The following TENM3 variants were observed in gnomAD, a reference collection of about 807,000 sequenced individuals.
TENM3 encodes teneurin transmembrane protein 3, also known as teneurin-3.
Under a neutral mutation model 255.1 loss-of-function variants are expected in TENM3, and 63 were observed. That is an observed-to-expected ratio of 0.25 (90% CI 0.20 to 0.30). TENM3 has a LOEUF of 0.30. TENM3 is among the 10% of genes least tolerant of loss of function. The probability of loss-of-function intolerance (pLI) is 1.00; values close to 1 mark genes in which losing one functional copy is unlikely to be tolerated. For missense variants in TENM3, 2,929 were observed against 3,461.1 expected, an observed-to-expected ratio of 0.85 and a Z score of 3.86; for synonymous variants, 1,306 against 1,322.3, an observed-to-expected ratio of 0.99 and a Z score of 0.27.
chr4:181,448,004 A>G, the TENM3 span, among the ~76,000 whole-genome samples: 1 of 152,056 alleles, frequency 6.6e-6, no homozygotes, highest in South Asian at 2.1e-4. Context: ...GCAATGCTAC[A>G]AATGGAAACT....
chr4:181,456,095 A>G, the TENM3 span, among the ~76,000 whole-genome samples: 4,544 of 135,386 alleles, frequency 0.034, 339 homozygotes, highest in East Asian at 0.24. Flanking sequence ...TGGTAAATAT[A>G]TGTGTGTGTG....
rs757524087 is a variant in TENM3 at position 182,681,765 on chromosome 4, A to G, written c.1835-49A>G. The G allele has an allele frequency of 1.3e-5, 17 of 1,347,330 alleles. No homozygotes were observed. The East Asian group carries it at 3.6e-4, about 29-fold the overall frequency. 83.5% of individuals were successfully genotyped at this position (1,347,330 alleles called of 1,614,324 possible). On this transcript the variant is annotated intron_variant, in intron 10 of 27. Coordinates refer to ENST00000511685, the MANE Select transcript of TENM3 (RefSeq NM_001080477.4). ...GGATTTAATTCTTTTTTCTGCATGC[A>G]CTATGATATCTTCTGGATTTAATAA... is the stretch of plus-strand genomic sequence containing the variant.
intron 3 of TENM3, among the ~76,000 whole-genome samples, chr4:182,402,458 G>C (rs368560066): frequency 6.6e-6 from 1 of 152,080 alleles, no homozygotes; most frequent in Admixed American, 6.5e-5. Context: ...TCCCACTGAC[G>C]TTTGTACAGT....
Position 182,764,976 on chromosome 4 carries a change from A to C in TENM3, c.4893-8496A>C, listed in dbSNP as rs141833766. ...ACTTGCTGTCTGAATGTAAGAGGTAAGGGCAAAAGAGGATCAAGGATGAGT... is the reference window on the plus strand; with the variant it reads ...ACTTGCTGTCTGAATGTAAGAGGTACGGGCAAAAGAGGATCAAGGATGAGT... On this transcript the variant is annotated intron_variant, in intron 22 of 27. Coordinates refer to ENST00000511685, the MANE Select transcript of TENM3 (RefSeq NM_001080477.4). Among the ~76,000 whole-genome samples the C allele has an allele frequency of 1.3e-3, 199 of 152,338 alleles. 1 individual carries two copies. The highest frequency in any genetic ancestry group is 4.6e-3 in the African/African-American group (191 of 41,570).
At chr4:182,098,249 T>C in the TENM3 span, among the ~76,000 whole-genome samples, 3 of 152,120 alleles carry the variant, frequency 2.0e-5, no homozygotes, top group Admixed American at 2.0e-4. Context: ...TGTAAATTAA[T>C]ACAGCCAGTA....
chr4:182,345,549 T>G (rs1428185118), intron 2 of TENM3, among the ~76,000 whole-genome samples: 3 of 152,192 alleles, frequency 2.0e-5, no homozygotes, highest in Non-Finnish European at 4.4e-5. Flanking sequence ...ATTTTGATTC[T>G]GATTGGCACC....
chr4:182,241,877 C>T (rs1233133148), upstream of TENM3, among the ~76,000 whole-genome samples: 1 of 152,038 alleles, frequency 6.6e-6, no homozygotes, highest in Non-Finnish European at 1.5e-5. Context: ...AAACGCTTCT[C>T]CACTGAAATG....
At chr4:181,922,120 G>A in the TENM3 span, among the ~76,000 whole-genome samples, 1 of 152,124 alleles carries the variant, frequency 6.6e-6, no homozygotes, top group African/African-American at 2.4e-5. Context: ...TTGATGTGCT[G>A]CTGGATTCAG....
At chr4:182,794,794 C>T (rs1249087973) in intron 26 of TENM3, among the ~76,000 whole-genome samples, 1 of 152,182 alleles carries the variant, frequency 6.6e-6, no homozygotes, top group Non-Finnish European at 1.5e-5. Context: ...GCAAGCATTA[C>T]TCTAGTTCCC....
At chr4:181,999,917 A>G in the TENM3 span, among the ~76,000 whole-genome samples, 1 of 152,178 alleles carries the variant, frequency 6.6e-6, no homozygotes, top group Non-Finnish European at 1.5e-5. Flanking sequence ...ATGCTTATTA[A>G]GTATTTAATG....
chr4:182,483,552 C>T (rs1734405791), intron 3 of TENM3, among the ~76,000 whole-genome samples: 1 of 152,104 alleles, frequency 6.6e-6, no homozygotes, highest in African/African-American at 2.4e-5. Context: ...ACAAAAGGAG[C>T]AATGTGTGAT....
chr4:181,824,959 A>G, the TENM3 span, among the ~76,000 whole-genome samples: 1 of 152,142 alleles, frequency 6.6e-6, no homozygotes, highest in East Asian at 1.9e-4. Context: ...CATCAAGTCC[A>G]TGTCATTGAT....
At chr4:182,282,223 T>C (rs1166265166) in intron 1 of TENM3, among the ~76,000 whole-genome samples, 1 of 152,192 alleles carries the variant, frequency 6.6e-6, no homozygotes, top group Non-Finnish European at 1.5e-5. Context: ...TACAATGCAG[T>C]GCCCTTCCCA....
chr4:182,152,790 T>A (rs192998285), intron 1 of TENM3, among the ~76,000 whole-genome samples: 3 of 151,974 alleles, frequency 2.0e-5, no homozygotes, highest in East Asian at 3.9e-4. Context: ...TATATTGTTT[T>A]AATTAGTATG....
the TENM3 span, among the ~76,000 whole-genome samples, chr4:181,606,644 CTTG>C: frequency 3.3e-5 from 5 of 152,032 alleles, no homozygotes; most frequent in African/African-American, 1.2e-4. Flanking sequence ...TTCCTCTGCT[CTTG>C]TTGTTCTTTC....
At chr4:181,765,917 T>C in the TENM3 span, among the ~76,000 whole-genome samples, 20 of 152,326 alleles carry the variant, frequency 1.3e-4, no homozygotes, top group Non-Finnish European at 2.5e-4. Context: ...TAGAGTTTTA[T>C]AAAGTGTTAA....
At chr4:181,617,791 G>A in the TENM3 span, among the ~76,000 whole-genome samples, 1 of 152,304 alleles carries the variant, frequency 6.6e-6, no homozygotes, top group East Asian at 1.9e-4. Flanking sequence ...GAATTACCAT[G>A]AGTAAACTGG....
At chr4:182,755,524 A>G (rs1474186175) in intron 22 of TENM3, among the ~76,000 whole-genome samples, 25 of 152,150 alleles carry the variant, frequency 1.6e-4, no homozygotes, top group Non-Finnish European at 1.5e-5. Context: ...GCTGAGTGAC[A>G]GAGCCAGAAC....
At position 182,684,692 on chromosome 4, in the gene TENM3, T is replaced by C. The variant is rs577013293; in HGVS notation, c.2035+2678T>C. Among the ~76,000 whole-genome samples, 305 of 152,290 alleles carry C rather than the reference T, an allele frequency of 2.0e-3. 2 individuals are homozygous for C. Among genetic ancestry groups the C allele is most frequent in the African/African-American group, 7.2e-3 (298 of 41,568 alleles). ...AGGGTGGTGGTAGTAGTTACTATGG[T>C]AGAAGTATTCTAAAGGCTAATTGTA... is the stretch of plus-strand genomic sequence containing the variant. On this transcript the variant is annotated intron_variant, in intron 11 of 27. Coordinates refer to ENST00000511685, the MANE Select transcript of TENM3 (RefSeq NM_001080477.4).
Sources: gnomAD v4.1 joint callset for allele counts (sites outside exome capture counted in the v4.1 genomes callset) on GRCh38, gnomAD v4.1.1 for gene constraint, MANE v1.5 for transcripts, NCBI Gene and HGNC (gene_info 2026-07-23, HGNC 2026-07-21) for gene names.